Variants in PABIR1 observed in about 807,000 individuals in gnomAD.
PABIR1 encodes the protein PP2A Aalpha (PPP2R1A) and B55A (PPP2R2A) interacting phosphatase regulator 1.
In PABIR1, 2 loss-of-function variants were observed where a neutral mutation model predicts 14.6. The ratio of observed to expected loss-of-function variants is 0.14; its 90% CI spans 0.06 to 0.43. The LOEUF is 0.43. Ranked by LOEUF, PABIR1 falls within the 20% of genes least tolerant of loss-of-function variation. The pLI is 0.99. For missense variants in PABIR1, 294 were observed against 379.0 expected, an observed-to-expected ratio of 0.78 and a Z score of 1.86; for synonymous variants, 163 against 155.4, an observed-to-expected ratio of 1.05 and a Z score of -0.36.
chr9:68,780,665 C>T lies in PABIR1; in HGVS notation c.501C>T (p.Ser167=), dbSNP rs770310925. ...FSPSLQSFVS[S]NGLPPSPIPS... is the part of the protein sequence containing the mutation. ...CATCCTTGCAAAGTTTTGTAAGTAG[C>T]AACGGATTGCCTCCAAGCCCTATTC... The change falls in exon 1 of 1, where the codon AGC becomes AGT. Residue 167 remains serine (S), a synonymous_variant. Coordinates refer to ENST00000394264, the MANE Select transcript of PABIR1 (RefSeq NM_138333.5). 6.2e-7 allele frequency: 1 copy of T among 1,614,208 alleles called. No homozygotes were observed. Among genetic ancestry groups the T allele is most frequent in the Non-Finnish European group, 8.5e-7 (1 of 1,180,042 alleles).
rs1479006750 is a variant in PABIR1, at chr9:68,783,521, T to G, written c.*2493T>G. 6.0e-6 allele frequency: 1 copy of G among 166,994 alleles called. No homozygotes were observed. Among genetic ancestry groups the G allele is most frequent in the East Asian group, 1.9e-4 (1 of 5,204 alleles). The allele number at this position is 166,994 out of a possible 1,614,324, so 10.3% of individuals were successfully genotyped here. On this transcript the variant is annotated 3_prime_UTR_variant, in exon 1 of 1. Transcript: ENST00000394264. Reference sequence around the variant, plus strand: ...TCATCTTCCCTTTCCACAGATAACTTCTGTTAACAACTTGATATCTATTGT... The same window carrying G: ...TCATCTTCCCTTTCCACAGATAACTGCTGTTAACAACTTGATATCTATTGT...
In PABIR1 at chr9:68,783,707, T is replaced by C. The variant is rs567801806; in HGVS notation, c.*2679T>C. 17 of 167,186 alleles carry C rather than the reference T, an allele frequency of 1.0e-4. No individual in the cohort carries two copies. The highest frequency in any genetic ancestry group is 3.4e-4 in the African/African-American group (14 of 41,576). The allele number at this position is 167,186 out of a possible 1,614,324, so 10.4% of individuals were successfully genotyped here. On this transcript the variant is annotated 3_prime_UTR_variant, in exon 1 of 1. Transcript: ENST00000394264. ...ATCTATCTCCTTATTTCTACCTCTA[T>C]TGCCACTCTGATCCAGGCTACCAGC...
rs749912658 is a variant in PABIR1, at chr9:68,780,467, G to A, written c.303G>A (p.Thr101=). 2 of 1,614,208 alleles carry A rather than the reference G, an allele frequency of 1.2e-6. No individual in the cohort carries two copies. Among genetic ancestry groups the A allele is most frequent in the Admixed American group, 3.3e-5 (2 of 60,016 alleles). Residue 101 remains threonine, a synonymous_variant, in exon 1 of 1, where the codon ACG becomes ACA. Transcript: ENST00000394264. The stretch of plus-strand genomic sequence containing the variant: ...GCATGGACTTGATCAACCGAGAGAC[G>A]GTCCACGAACGGGAGGTGCAGACCG... ...EEGMDLINRE[T]VHEREVQTAM... is the part of the protein sequence containing the mutation.
chr9:68,781,258 A>G lies in PABIR1; in HGVS notation c.*230A>G. On this transcript the variant is annotated 3_prime_UTR_variant, in exon 1 of 1. Coordinates refer to ENST00000394264, the MANE Select transcript of PABIR1 (RefSeq NM_138333.5). ...GACGTTTCCCCAATAAGTGTGTTGAAGCATACATCTTTACGCTGCTAATAT... is the reference window on the plus strand; with the variant it reads ...GACGTTTCCCCAATAAGTGTGTTGAGGCATACATCTTTACGCTGCTAATAT... 1 of 551,304 alleles carries G rather than the reference A, an allele frequency of 1.8e-6. No homozygotes were observed. The highest frequency in any genetic ancestry group is 2.3e-5 in the South Asian group (1 of 43,748). 34.2% of individuals were successfully genotyped at this position (551,304 alleles called of 1,614,324 possible).
At position 68,782,748 on chromosome 9, in the gene PABIR1, CT is replaced by C. The variant is rs1831368026; in HGVS notation, c.*1722del. 6.0e-6 allele frequency: 1 copy of C among 167,092 alleles called. No individual in the cohort carries two copies. The highest frequency in any genetic ancestry group is 2.4e-5 in the African/African-American group (1 of 41,454). The allele number at this position is 167,092 out of a possible 1,614,324, so 10.4% of individuals were successfully genotyped here. On this transcript the variant is annotated 3_prime_UTR_variant, in exon 1 of 1. Coordinates refer to ENST00000394264, the MANE Select transcript of PABIR1 (RefSeq NM_138333.5). ...CTCGACCCTGTTGTTGAAATTCAAA[CT>C]TAAATAGCCTGACTTCTTGTTGGGT...
At position 68,780,562 on chromosome 9, in the gene PABIR1, C is replaced by G. The variant is rs546322647; in HGVS notation, c.398C>G (p.Ser133Cys). 8 of 1,614,194 alleles carry G rather than the reference C, an allele frequency of 5.0e-6. No individual in the cohort carries two copies. The South Asian group carries it at 7.7e-5, about 16-fold the overall frequency. The part of the protein sequence containing the change: ...LSDNDVEKSA[S>C]PKRIDFIPVS... ...GACAACGACGTGGAGAAATCCGCCT[C>G]CCCCAAGCGCATCGATTTCATTCCT... The change falls in exon 1 of 1, where the codon TCC (serine) becomes TGC (cysteine). Residue 133 changes from serine to cysteine, a missense_variant. Ser to Cys is a moderately radical substitution (Grantham distance 112). Coordinates refer to ENST00000394264, the MANE Select transcript of PABIR1 (RefSeq NM_138333.5).
In PABIR1 at chr9:68,782,516, A is replaced by G. The variant is rs1205208712; in HGVS notation, c.*1488A>G. On this transcript the variant is annotated 3_prime_UTR_variant, in exon 1 of 1. Transcript: ENST00000394264. ...AAAGAGGAAAGGGGAAAAATGACTC[A>G]GAACAAGACAAAAGCTCTGACTGTT... The G allele has an allele frequency of 6.0e-6, 1 of 167,150 alleles. No homozygotes were observed. The highest frequency in any genetic ancestry group is 1.5e-5 in the Non-Finnish European group (1 of 68,142). The allele number at this position is 167,150 out of a possible 1,614,324, so 10.4% of individuals were successfully genotyped here. A position where few individuals can be genotyped will look rare whatever the true frequency, so the allele number is the denominator to read the frequency against.
At position 68,783,008 on chromosome 9, in the gene PABIR1, C is replaced by T. The variant is rs1378864288; in HGVS notation, c.*1980C>T. ...AATTTCTTCCCTTCTCTATCTGTTGCCCCTGATTTTGCCTTAAGTTCTTGC... is the reference window on the plus strand; with the variant it reads ...AATTTCTTCCCTTCTCTATCTGTTGTCCCTGATTTTGCCTTAAGTTCTTGC... On this transcript the variant is annotated 3_prime_UTR_variant, in exon 1 of 1. Coordinates refer to ENST00000394264, the MANE Select transcript of PABIR1 (RefSeq NM_138333.5). 1 of 167,072 alleles carries T rather than the reference C, an allele frequency of 6.0e-6. No individual in the cohort carries two copies. Among genetic ancestry groups the T allele is most frequent in the Non-Finnish European group, 1.5e-5 (1 of 68,140 alleles). The allele number at this position is 167,072 out of a possible 1,614,324, so 10.3% of individuals were successfully genotyped here.
chr9:68,780,787 T>C lies in PABIR1; in HGVS notation c.623T>C (p.Met208Thr), dbSNP rs1381102249. Residue 208 changes from methionine (M) to threonine (T), a missense_variant, in exon 1 of 1, where the codon ATG becomes ACG. Transcript: ENST00000394264. ...VLGPLKRKCE[M>T]ETEYQPKRFF... Reference sequence around the variant, plus strand: ...GGACCATTGAAAAGAAAATGTGAAATGGAAACTGAATATCAGCCAAAGAGA... The same window carrying C: ...GGACCATTGAAAAGAAAATGTGAAACGGAAACTGAATATCAGCCAAAGAGA... 1 of 1,614,158 alleles carries C rather than the reference T, an allele frequency of 6.2e-7. No individual in the cohort carries two copies. The highest frequency in any genetic ancestry group is 8.5e-7 in the Non-Finnish European group (1 of 1,180,014).
chr9:68,782,407 A>C lies in PABIR1; in HGVS notation c.*1379A>C, dbSNP rs1027225842. ...AATTAAGACAAAATGTTTAATAAGAATAGCAAAAATTTTTTTATATTATGC... is the reference window on the plus strand; with the variant it reads ...AATTAAGACAAAATGTTTAATAAGACTAGCAAAAATTTTTTTATATTATGC... On this transcript the variant is annotated 3_prime_UTR_variant, in exon 1 of 1. Transcript: ENST00000394264. 4 of 166,942 alleles carry C rather than the reference A, an allele frequency of 2.4e-5. No individual in the cohort carries two copies. Among genetic ancestry groups the C allele is most frequent in the Admixed American group, 6.5e-5 (1 of 15,280 alleles). 10.3% of individuals were successfully genotyped at this position (166,942 alleles called of 1,614,324 possible). A position where few individuals can be genotyped will look rare whatever the true frequency, so the allele number is the denominator to read the frequency against.
At position 68,783,580 on chromosome 9, in the gene PABIR1, T is replaced by C. The variant is rs1347796290; in HGVS notation, c.*2552T>C. 1 of 166,928 alleles carries C rather than the reference T, an allele frequency of 6.0e-6. No individual in the cohort carries two copies. Among genetic ancestry groups the C allele is most frequent in the African/African-American group, 2.4e-5 (1 of 41,462 alleles). 10.3% of individuals were successfully genotyped at this position (166,928 alleles called of 1,614,324 possible). A position where few individuals can be genotyped will look rare whatever the true frequency, so the allele number is the denominator to read the frequency against. ...TGTTACTGGCATTTCCATGTATATA[T>C]GTATATAAATGCAGGAAACCAACAT... On this transcript the variant is annotated 3_prime_UTR_variant, in exon 1 of 1. Transcript: ENST00000394264.
At position 68,780,077 on chromosome 9, in the gene PABIR1, G is replaced by GTCGCCGTATCATTAAAAAA; in HGVS notation, c.-88_-87insTCGCCGTATCATTAAAAAA. On this transcript the variant is annotated 5_prime_UTR_variant, in exon 1 of 1. Transcript: ENST00000394264. ...CCAGCCCGCTGACAGATTCTCGGTG[G>GTCGCCGTATCATTAAAAAA]CGGCGGCAGCGGCGGCGGCCCTGGA... The GTCGCCGTATCATTAAAAAA allele has an allele frequency of 2.1e-6, 3 of 1,419,138 alleles. No homozygotes were observed. Among genetic ancestry groups the GTCGCCGTATCATTAAAAAA allele is most frequent in the Admixed American group, 3.1e-5 (1 of 32,608 alleles). The allele number at this position is 1,419,138 out of a possible 1,614,324, so 87.9% of individuals were successfully genotyped here. A position where few individuals can be genotyped will look rare whatever the true frequency, so the allele number is the denominator to read the frequency against.
rs1831539352 is a variant in PABIR1 at position 68,785,156 on chromosome 9, G to T, written c.*4128G>T. On this transcript the variant is annotated 3_prime_UTR_variant, in exon 1 of 1. Transcript: ENST00000394264. Reference sequence around the variant, plus strand: ...CTAGGTTTGGGAATTGGTTAAGTGGGTACTAGGTAAAGCCCAGTGTGTGAA... The same window carrying T: ...CTAGGTTTGGGAATTGGTTAAGTGGTTACTAGGTAAAGCCCAGTGTGTGAA... Among the ~76,000 whole-genome samples the T allele has an allele frequency of 6.6e-6, 1 of 152,192 alleles. No homozygotes were observed. The highest frequency in any genetic ancestry group is 2.4e-5 in the African/African-American group (1 of 41,454).
In PABIR1 at chr9:68,783,223, G is replaced by A. The variant is rs987180200; in HGVS notation, c.*2195G>A. ...CAGATAGAAGGACCTTTATGATCTG[G>A]CCATATTCTGAAATAGCTTCAATCC... is the stretch of plus-strand genomic sequence containing the variant. On this transcript the variant is annotated 3_prime_UTR_variant, in exon 1 of 1. Coordinates refer to ENST00000394264, the MANE Select transcript of PABIR1 (RefSeq NM_138333.5). The A allele has an allele frequency of 6.0e-6, 1 of 166,934 alleles. No homozygotes were observed. The highest frequency in any genetic ancestry group is 2.4e-5 in the African/African-American group (1 of 41,410). The allele number at this position is 166,934 out of a possible 1,614,324, so 10.3% of individuals were successfully genotyped here. A position where few individuals can be genotyped will look rare whatever the true frequency, so the allele number is the denominator to read the frequency against.
Position 68,780,241 on chromosome 9 carries a change from G to C in PABIR1, c.77G>C (p.Ser26Thr). ...GGGAGCCCGGCGGAGGGCGGTGGCA[G>C]CGGCGGCGGCGGGGGCCTCAGGAGG... is the stretch of plus-strand genomic sequence containing the variant. Reference protein sequence around the residue: ...TGGSPAEGGGSGGGGGLRRSN... With the variant: ...TGGSPAEGGGTGGGGGLRRSN... The change falls in exon 1 of 1, where the codon AGC becomes ACC. Residue 26 changes from serine (S) to threonine (T), a missense_variant. By Grantham distance (58) the Ser-to-Thr change is moderately conservative (BLOSUM62 1). Transcript: ENST00000394264. The C allele has an allele frequency of 6.5e-7, 1 of 1,535,672 alleles. No homozygotes were observed. Among genetic ancestry groups the C allele is most frequent in the Non-Finnish European group, 8.7e-7 (1 of 1,146,884 alleles).
Position 68,780,312 on chromosome 9 carries a change from G to A in PABIR1, c.148G>A (p.Val50Met), listed in dbSNP as rs760265092. ...CCACGGCCTCAGTGACACTTCGCCG[G>A]TGTTCCAGGCCGAGGCGCCGAGCGC... The part of the protein sequence containing the change: ...LIHGLSDTSP[V>M]FQAEAPSARR... The change falls in exon 1 of 1, where the codon GTG (valine) becomes ATG (methionine). Residue 50 changes from valine to methionine, a missense_variant. Val to Met is a conservative substitution (Grantham distance 21). This residue lies in a region of PABIR1 where 96 missense variants were observed against 102.2 expected (regional missense o/e 0.94). Transcript: ENST00000394264. 1 of 1,601,706 alleles carries A rather than the reference G, an allele frequency of 6.2e-7. No individual in the cohort carries two copies. Among genetic ancestry groups the A allele is most frequent in the Non-Finnish European group, 8.5e-7 (1 of 1,174,092 alleles).
Position 68,781,926 on chromosome 9 carries a change from C to G in PABIR1, c.*898C>G, listed in dbSNP as rs1011508897. The G allele has an allele frequency of 6.0e-6, 1 of 166,890 alleles. No homozygotes were observed. The highest frequency in any genetic ancestry group is 1.5e-5 in the Non-Finnish European group (1 of 68,090). The allele number at this position is 166,890 out of a possible 1,614,324, so 10.3% of individuals were successfully genotyped here. A position where few individuals can be genotyped will look rare whatever the true frequency, so the allele number is the denominator to read the frequency against. On this transcript the variant is annotated 3_prime_UTR_variant, in exon 1 of 1. Transcript: ENST00000394264. ...GGAAGGCTTGTTGAACTTTGGCGCA[C>G]TCAGGTAAACAATACTCTCTCAATT...
Position 68,780,092 on chromosome 9 carries a change from G to C in PABIR1, c.-73G>C. On this transcript the variant is annotated 5_prime_UTR_variant, in exon 1 of 1. Transcript: ENST00000394264. ...ATTCTCGGTGGCGGCGGCAGCGGCGGCGGCCCTGGACTGCGGGGAATGGGA... is the reference window on the plus strand; with the variant it reads ...ATTCTCGGTGGCGGCGGCAGCGGCGCCGGCCCTGGACTGCGGGGAATGGGA... 26 of 1,356,120 alleles carry C rather than the reference G, an allele frequency of 1.9e-5. No homozygotes were observed. Among genetic ancestry groups the C allele is most frequent in the Admixed American group, 6.5e-5 (2 of 30,942 alleles). The allele number at this position is 1,356,120 out of a possible 1,614,324, so 84.0% of individuals were successfully genotyped here.
rs1831291086 is a variant in PABIR1, at chr9:68,781,686, T to C, written c.*658T>C. On this transcript the variant is annotated 3_prime_UTR_variant, in exon 1 of 1. Coordinates refer to ENST00000394264, the MANE Select transcript of PABIR1 (RefSeq NM_138333.5). ...AAGAAAAACATTTTTAATGAGATTT[T>C]AATAGTAATTCTAGTCAGTCATACA... The C allele has an allele frequency of 6.0e-6, 1 of 166,720 alleles. No individual in the cohort carries two copies. Among genetic ancestry groups the C allele is most frequent in the Non-Finnish European group, 1.5e-5 (1 of 68,112 alleles). 10.3% of individuals were successfully genotyped at this position (166,720 alleles called of 1,614,324 possible). A position where few individuals can be genotyped will look rare whatever the true frequency, so the allele number is the denominator to read the frequency against.
Sources: allele counts gnomAD v4.1 joint callset (sites outside exome capture counted in the v4.1 genomes callset), GRCh38; gene constraint gnomAD v4.1.1; regional missense constraint gnomAD v4.1.1; transcripts MANE v1.5; gene names NCBI Gene and HGNC (gene_info 2026-07-23, HGNC 2026-07-21).